LRP2: variants seen among roughly 807,000 people sequenced by gnomAD.
The protein encoded by LRP2 is low-density lipoprotein receptor-related protein 2.
In LRP2, 172 loss-of-function variants were observed where a neutral mutation model predicts 531.0. That is an observed-to-expected ratio of 0.32 (90% CI 0.29 to 0.37). The LOEUF is 0.37. LRP2 is among the 10% of genes least tolerant of loss of function. LRP2 has a pLI of 1.00. For synonymous variants in LRP2, 1,992 were observed against 2,027.6 expected (o/e 0.98, Z 0.47); for missense variants, 5,167 against 5,868.3 (o/e 0.88, Z 3.90).
At chr2:169,175,438 A>G (rs1687156689) in intron 54 of LRP2, 49 bp from the exon 55 acceptor site, 2 of 1,547,876 alleles carry the variant, frequency 1.3e-6, no homozygotes, top group South Asian at 1.1e-5. Context: ...CAGGGGCAAC[A>G]GTTATCTGGA....
intron 1 of LRP2, among the ~76,000 whole-genome samples, chr2:169,323,712 T>A (rs769736414): frequency 6.6e-6 from 1 of 152,056 alleles, no homozygotes; most frequent in Non-Finnish European, 1.5e-5. Flanking sequence ...AGAACCAGCT[T>A]TAAAACTTTG....
rs747142179 is a variant in LRP2 at position 169,239,673 on chromosome 2, T to A, written c.4148A>T (p.Asn1383Ile). 6.2e-7 allele frequency: 1 copy of A among 1,614,032 alleles called. No individual in the cohort carries two copies. Among genetic ancestry groups the A allele is most frequent in the East Asian group, 2.2e-5 (1 of 44,880 alleles). ...TATGTCTTCACAGGTCTTAGAATCA[T>A]TGGCAAGTAAGAATCCCAATGGACA... ...CLCPLGFLLA[N>I]DSKTCEDIDE... The change falls in exon 26 of 79, where the codon AAT (asparagine) becomes ATT (isoleucine). Residue 1383 changes from asparagine (N) to isoleucine (I), a missense_variant. Asn to Ile is a moderately radical substitution (Grantham distance 149). Coordinates refer to ENST00000649046, the MANE Select transcript of LRP2 (RefSeq NM_004525.3).
intron 3 of LRP2, among the ~76,000 whole-genome samples, chr2:169,310,810 G>T (rs55953106): frequency 6.6e-6 from 1 of 151,978 alleles, no homozygotes; most frequent in Non-Finnish European, 1.5e-5. Context: ...GGTAGAATTC[G>T]GCTGTGAATC....
At position 169,206,145 on chromosome 2, in the gene LRP2, TC is replaced by T. The variant is rs1476551664; in HGVS notation, c.7433del (p.Arg2478LysfsTer12). 1 of 1,614,178 alleles carries T rather than the reference TC, an allele frequency of 6.2e-7. No homozygotes were observed. Among genetic ancestry groups the T allele is most frequent in the Non-Finnish European group, 8.5e-7 (1 of 1,180,026 alleles). On this transcript the variant is annotated frameshift_variant, in exon 40 of 79. Coordinates refer to ENST00000649046, the MANE Select transcript of LRP2 (RefSeq NM_004525.3). LOFTEE classifies it high-confidence loss of function. ...TGAGGTAGTCACTGTAATAAATTCT[TC>T]TAGTAATCCAGTCAAAGGCAATGCC... ...ADGIAFDWIT[R>X]RIYYSDYLNQ...
At chr2:169,198,256 A>G (rs1160884663) in intron 45 of LRP2, among the ~76,000 whole-genome samples, 2 of 152,046 alleles carry the variant, frequency 1.3e-5, no homozygotes, top group African/African-American at 2.4e-5. Context: ...TCTACAAAAA[A>G]TACAAAAATT....
chr2:169,157,790 A>G (rs959741627), intron 63 of LRP2, among the ~76,000 whole-genome samples: 3 of 152,086 alleles, frequency 2.0e-5, no homozygotes, highest in Non-Finnish European at 2.9e-5. Flanking sequence ...TCTGGACTGC[A>G]CAACTATGAA....
At chr2:169,307,705 G>A (rs1047841994) in intron 3 of LRP2, among the ~76,000 whole-genome samples, 4 of 152,054 alleles carry the variant, frequency 2.6e-5, no homozygotes, top group East Asian at 1.9e-4. Context: ...GCAAGTATAG[G>A]TATTAACCAA....
chr2:169,232,863 C>T (rs1689460634), intron 30 of LRP2, among the ~76,000 whole-genome samples: 2 of 152,126 alleles, frequency 1.3e-5, no homozygotes, highest in African/African-American at 4.8e-5. Flanking sequence ...GTGTGAGAAA[C>T]AATTGGAGAG....
At chr2:169,278,634 G>A (rs1242690516) in intron 12 of LRP2, among the ~76,000 whole-genome samples, 1 of 152,118 alleles carries the variant, frequency 6.6e-6, no homozygotes, top group Non-Finnish European at 1.5e-5. Flanking sequence ...CCATTCTGAG[G>A]CACAGAGAAC....
At position 169,362,437 on chromosome 2, in the gene LRP2, G is replaced by A; in HGVS notation, c.-38C>T. 1 of 1,524,406 alleles carries A rather than the reference G, an allele frequency of 6.6e-7. No individual in the cohort carries two copies. The highest frequency in any genetic ancestry group is 1.4e-5 in the African/African-American group (1 of 72,820). The allele number at this position is 1,524,406 out of a possible 1,614,324, so 94.4% of individuals were successfully genotyped here. On this transcript the variant is annotated 5_prime_UTR_variant, in exon 1 of 79. Coordinates refer to ENST00000649046, the MANE Select transcript of LRP2 (RefSeq NM_004525.3). Reference sequence around the variant, plus strand: ...CCCCGGCCTCGCCGTTCCTTCCCCGGGAGGTGGGCGCGCGTAGCACACCGC... The same window carrying A: ...CCCCGGCCTCGCCGTTCCTTCCCCGAGAGGTGGGCGCGCGTAGCACACCGC...
At chr2:169,177,321 T>A (rs556708544) in intron 53 of LRP2, among the ~76,000 whole-genome samples, 1 of 152,164 alleles carries the variant, frequency 6.6e-6, no homozygotes, top group South Asian at 2.1e-4. Context: ...AAAAACAAGT[T>A]CTCTTACTTA....
In LRP2 at chr2:169,171,997, A is replaced by G. The variant is rs375133994; in HGVS notation, c.11263+18T>C. 292 of 1,614,008 alleles carry G rather than the reference A, an allele frequency of 1.8e-4. 2 individuals are homozygous for G. The Middle Eastern group carries it at 2.5e-3, about 14-fold the overall frequency. ...AGCTCTGGTGGTATATAAGGACCATAGGACTGTGAACACTCACCACAGTTT... is the reference window on the plus strand; with the variant it reads ...AGCTCTGGTGGTATATAAGGACCATGGGACTGTGAACACTCACCACAGTTT... On this transcript the variant is annotated intron_variant, in intron 58 of 78. Transcript: ENST00000649046.
intron 24 of LRP2, 47 bp downstream of exon 24, chr2:169,242,909 A>G (rs761809804): frequency 4.3e-6 from 6 of 1,404,868 alleles, no homozygotes; most frequent in South Asian, 1.2e-5. Flanking sequence ...ACTGGCAAAA[A>G]TGAAATGACC....
At chr2:169,139,934 T>C (rs1685658887) in intron 72 of LRP2, among the ~76,000 whole-genome samples, 1 of 152,268 alleles carries the variant, frequency 6.6e-6, no homozygotes, top group Non-Finnish European at 1.5e-5. Flanking sequence ...CTTTCTTTTA[T>C]ATGCTTTCAT....
At chr2:169,291,042 A>G in intron 7 of LRP2, 45 bp from the exon 8 acceptor site, 1 of 1,585,218 alleles carries the variant, frequency 6.3e-7, no homozygotes, top group Non-Finnish European at 8.6e-7. Context: ...GGGGAGGTAC[A>G]GCCAGCTCTT....
chr2:169,298,658 T>G (rs1413995091), intron 4 of LRP2, among the ~76,000 whole-genome samples: 1 of 152,010 alleles, frequency 6.6e-6, no homozygotes, highest in Non-Finnish European at 1.5e-5. Context: ...CCCATCCACA[T>G]TAGGAAGAAG....
At chr2:169,328,286 T>TG (rs1310078563) in intron 1 of LRP2, among the ~76,000 whole-genome samples, 1 of 86,808 alleles carries the variant, frequency 1.2e-5, no homozygotes, top group East Asian at 3.1e-4. Context: ...GGGAGGGAGG[T>TG]GGGGGGGTCA....
rs2075249 is a variant in LRP2 at position 169,246,841 on chromosome 2, G to A, written c.3054C>T (p.Thr1018=). 1 of 1,613,846 alleles carries A rather than the reference G, an allele frequency of 6.2e-7. No individual in the cohort carries two copies. Among genetic ancestry groups the A allele is most frequent in the South Asian group, 1.1e-5 (1 of 91,070 alleles). Residue 1018 remains threonine (T), a synonymous_variant, in exon 21 of 79, where the codon ACC becomes ACT. Coordinates refer to ENST00000649046, the MANE Select transcript of LRP2 (RefSeq NM_004525.3). ...CACACTGCTCTGTGGGTGGTTCATT[G>A]GTTGGGTCCCCCTCGCATGTCAAGT... ...SNHLTCEGDP[T]NEPPTEQCGL...
chr2:169,211,500 C>G (rs1688591275), intron 37 of LRP2, among the ~76,000 whole-genome samples: 1 of 152,220 alleles, frequency 6.6e-6, no homozygotes, highest in African/African-American at 2.4e-5. Flanking sequence ...TATTTGTGGA[C>G]TATTTCATTA....
Sources: gnomAD v4.1 joint callset for allele counts (sites outside exome capture counted in the v4.1 genomes callset) on GRCh38, gnomAD v4.1.1 for gene constraint, MANE v1.5 for transcripts, NCBI Gene and HGNC (gene_info 2026-07-23, HGNC 2026-07-21) for gene names.